Variants in FSTL5 observed in about 807,000 individuals in gnomAD.
The protein encoded by FSTL5 is follistatin like 5, also known as follistatin-related protein 5.
In FSTL5, 62 loss-of-function variants were observed where a neutral mutation model predicts 89.1. The ratio of observed to expected loss-of-function variants is 0.70; its 90% CI spans 0.57 to 0.86. The LOEUF is 0.86. FSTL5 is among the 40% of genes least tolerant of loss of function. FSTL5 has a pLI of 0.00. For synonymous variants in FSTL5, 383 were observed against 346.2 expected (o/e 1.11, Z -1.18); for missense variants, 1,057 against 1,001.6 (o/e 1.06, Z -0.75).
intron 2 of FSTL5, among the ~76,000 whole-genome samples, chr4:162,055,205 T>G (rs551543317): frequency 6.6e-6 from 1 of 151,912 alleles, no homozygotes; most frequent in African/African-American, 2.4e-5. Flanking sequence ...CTACTTTGTA[T>G]AGAGTTTTGC....
chr4:161,929,689 G>GTATA (rs1560922322), intron 3 of FSTL5, among the ~76,000 whole-genome samples: 2 of 121,528 alleles, frequency 1.6e-5, no homozygotes, highest in Non-Finnish European at 1.9e-5. Flanking sequence ...GTGTGTGTGT[G>GTATA]TGTGTGTGTG....
chr4:161,408,597 A>G (rs1731474258), intron 15 of FSTL5, among the ~76,000 whole-genome samples: 1 of 152,174 alleles, frequency 6.6e-6, no homozygotes, highest in African/African-American at 2.4e-5. Flanking sequence ...AATGACATAT[A>G]TGGAATTCAG....
At chr4:161,598,725 G>A (rs1734126188) in intron 7 of FSTL5, among the ~76,000 whole-genome samples, 1 of 152,024 alleles carries the variant, frequency 6.6e-6, no homozygotes, top group South Asian at 2.1e-4. Context: ...CAAATTAGTA[G>A]AGAAAGATTG....
chr4:162,060,347 T>C (rs948013091), intron 2 of FSTL5, among the ~76,000 whole-genome samples: 4 of 152,118 alleles, frequency 2.6e-5, no homozygotes, highest in African/African-American at 9.7e-5. Flanking sequence ...CTTCTATAAA[T>C]CACAGTATTT....
At chr4:161,462,510 A>T (rs988998056) in intron 13 of FSTL5, among the ~76,000 whole-genome samples, 5 of 152,224 alleles carry the variant, frequency 3.3e-5, no homozygotes, top group Non-Finnish European at 5.9e-5. Flanking sequence ...TCTTTCACTT[A>T]CATTAAAATA....
chr4:162,032,805 A>T (rs1242723255), intron 3 of FSTL5: 1 of 152,136 alleles, frequency 6.6e-6, no homozygotes, highest in Non-Finnish European at 1.5e-5. Flanking sequence ...TAGAACACTG[A>T]AAAAGGTAAA....
At chr4:161,713,376 G>A (rs1040883310) in intron 6 of FSTL5, among the ~76,000 whole-genome samples, 1 of 152,176 alleles carries the variant, frequency 6.6e-6, no homozygotes, top group African/African-American at 2.4e-5. Context: ...TAAGTTACCA[G>A]GAGTTTCCTG....
intron 4 of FSTL5, among the ~76,000 whole-genome samples, chr4:161,838,449 A>T (rs1731115245): frequency 6.6e-6 from 1 of 151,644 alleles, no homozygotes; most frequent in Non-Finnish European, 1.5e-5. Context: ...CGCCCGGCTA[A>T]TTTTTTTTGT....
chr4:162,090,465 C>T (rs1259026307), intron 2 of FSTL5, among the ~76,000 whole-genome samples: 1 of 152,028 alleles, frequency 6.6e-6, no homozygotes, highest in Non-Finnish European at 1.5e-5. Context: ...GACGTGGATG[C>T]ACCCAACAAG....
At chr4:161,985,415 A>G (rs1255133476) in intron 3 of FSTL5, among the ~76,000 whole-genome samples, 3 of 152,204 alleles carry the variant, frequency 2.0e-5, no homozygotes, top group Admixed American at 1.3e-4. Flanking sequence ...TATATTATTC[A>G]TAAGACAAAT....
At chr4:161,913,280 G>A (rs1020923910) in intron 4 of FSTL5, among the ~76,000 whole-genome samples, 18 of 152,230 alleles carry the variant, frequency 1.2e-4, no homozygotes, top group Admixed American at 7.8e-4. Context: ...CATGGCAGCC[G>A]CTTCCATCAC....
chr4:161,682,828 C>T (rs971092090), intron 6 of FSTL5, among the ~76,000 whole-genome samples: 9 of 152,130 alleles, frequency 5.9e-5, no homozygotes, highest in African/African-American at 2.2e-4. Context: ...CTCACTGCAA[C>T]CTCCTCCTCC....
chr4:162,090,132 A>G (rs1730489153), intron 2 of FSTL5, among the ~76,000 whole-genome samples: 2 of 152,156 alleles, frequency 1.3e-5, no homozygotes, highest in Admixed American at 6.5e-5. Flanking sequence ...ACCTAAAACT[A>G]TGAAAACCTT....
At chr4:161,815,630 C>T (rs1391940921) in intron 4 of FSTL5, among the ~76,000 whole-genome samples, 1 of 151,810 alleles carries the variant, frequency 6.6e-6, no homozygotes, top group African/African-American at 2.4e-5. Flanking sequence ...CTTTATTCAG[C>T]TACCCACATA....
intron 10 of FSTL5, among the ~76,000 whole-genome samples, chr4:161,521,347 C>T (rs1731013813): frequency 6.6e-6 from 1 of 151,460 alleles, no homozygotes; most frequent in Non-Finnish European, 1.5e-5. Flanking sequence ...CCTGTAATTA[C>T]TCACATACAT....
intron 6 of FSTL5, among the ~76,000 whole-genome samples, chr4:161,719,051 C>G (rs1384412871): frequency 6.6e-6 from 1 of 152,144 alleles, no homozygotes; most frequent in South Asian, 2.1e-4. Flanking sequence ...AATTAATATA[C>G]AAACTTTCAT....
At chr4:161,879,948 G>A (rs1480229196) in intron 4 of FSTL5, among the ~76,000 whole-genome samples, 1 of 152,148 alleles carries the variant, frequency 6.6e-6, no homozygotes, top group African/African-American at 2.4e-5. Context: ...CTGATTCTCT[G>A]ATGTTAATCT....
intron 4 of FSTL5, among the ~76,000 whole-genome samples, chr4:161,801,416 A>G (rs1158406200): frequency 6.6e-6 from 1 of 151,474 alleles, no homozygotes. Flanking sequence ...TTATGCCTTC[A>G]TGTGGTCTGG....
intron 4 of FSTL5, among the ~76,000 whole-genome samples, chr4:161,810,450 T>G (rs1730103485): frequency 6.6e-6 from 1 of 152,174 alleles, no homozygotes; most frequent in Admixed American, 6.5e-5. Flanking sequence ...ATATTCACTT[T>G]AAGCAGCCGA....
Sources: gnomAD v4.1 joint callset for allele counts (sites outside exome capture counted in the v4.1 genomes callset) on GRCh38, gnomAD v4.1.1 for gene constraint, MANE v1.5 for transcripts, NCBI Gene and HGNC (gene_info 2026-07-23, HGNC 2026-07-21) for gene names.